Variants in FSHR observed in about 807,000 individuals in gnomAD.
FSHR encodes follicle stimulating hormone receptor.
FSHR carries 46 observed loss-of-function variants against 52.1 expected under a neutral mutation model. That is an observed-to-expected ratio of 0.88 (90% CI 0.70 to 1.13). The LOEUF is 1.13. Ranked by LOEUF, FSHR falls within the 50% of genes most tolerant of loss-of-function variation. The probability of loss-of-function intolerance (pLI) is 0.00; values close to 1 mark genes in which losing one functional copy is unlikely to be tolerated. For missense variants in FSHR, 964 were observed against 834.6 expected (o/e 1.16, Z -1.91); for synonymous variants, 399 against 309.6 (o/e 1.29, Z -3.03).
Position 49,114,349 on chromosome 2 carries a change from C to A in FSHR, c.152+39917G>T, listed in dbSNP as rs1031322720. On this transcript the variant is annotated intron_variant, in intron 1 of 9. Coordinates refer to ENST00000406846, the MANE Select transcript of FSHR (RefSeq NM_000145.4). ...TGCACACATTCATTCTAGACCAAAG[C>A]AATACTCTCCCAATGCATTGCTTTT... is the stretch of plus-strand genomic sequence containing the variant. 8.5e-5 allele frequency among the ~76,000 whole-genome samples: 13 copies of A among 152,152 alleles called. 1 individual carries two copies. Among genetic ancestry groups the A allele is most frequent in the African/African-American group, 3.1e-4 (13 of 41,430 alleles).
Position 49,084,204 on chromosome 2 carries a change from C to T in FSHR, c.153-15914G>A, listed in dbSNP as rs192446909. ...GCATTAAGAATCTCACTCAAAACCG[C>T]TCAACTACATGGAAACTGAACAACC... On this transcript the variant is annotated intron_variant, in intron 1 of 9. Coordinates refer to ENST00000406846, the MANE Select transcript of FSHR (RefSeq NM_000145.4). 3.3e-3 allele frequency among the ~76,000 whole-genome samples: 498 copies of T among 151,094 alleles called. 2 individuals carry two copies. Among genetic ancestry groups the T allele is most frequent in the Non-Finnish European group, 1.7e-3 (113 of 67,826 alleles).
intron 1 of FSHR, among the ~76,000 whole-genome samples, chr2:49,137,771 C>G (rs549202316): frequency 1.3e-5 from 2 of 151,996 alleles, no homozygotes; most frequent in Admixed American, 6.6e-5. Context: ...AAGTTGGATA[C>G]TTATCAAGCA....
At chr2:49,082,721 G>C (rs1439692201) in intron 1 of FSHR, among the ~76,000 whole-genome samples, 2 of 152,124 alleles carry the variant, frequency 1.3e-5, no homozygotes, top group African/African-American at 4.8e-5. Flanking sequence ...GAGCCGATGC[G>C]ATCAACTGGA....
At chr2:48,989,128 T>C in intron 5 of FSHR, 74 bp from the exon 6 acceptor site, 1 of 1,114,534 alleles carries the variant, frequency 9.0e-7, no homozygotes, top group Non-Finnish European at 1.4e-6. Context: ...TTAGTTTAAC[T>C]GGCATGATGC....
chr2:48,993,528 G>A (rs1269547351), intron 4 of FSHR, among the ~76,000 whole-genome samples: 1 of 152,066 alleles, frequency 6.6e-6, no homozygotes, highest in African/African-American at 2.4e-5. Flanking sequence ...CCCTCTGAAT[G>A]TCTGCAATAT....
At chr2:49,068,402 G>T in intron 1 of FSHR, 112 bp from the exon 2 acceptor site, 1 of 892,082 alleles carries the variant, frequency 1.1e-6, no homozygotes, top group Non-Finnish European at 1.8e-6. Context: ...TTGCCATAAA[G>T]TAATGTTGAA....
intron 9 of FSHR, among the ~76,000 whole-genome samples, chr2:48,964,356 G>A (rs983232150): frequency 2.0e-5 from 3 of 151,934 alleles, no homozygotes; most frequent in Non-Finnish European, 2.9e-5. Flanking sequence ...ATTCCTATTC[G>A]TCTACACTCA....
chr2:48,974,857 A>C (rs1408202217), intron 8 of FSHR, among the ~76,000 whole-genome samples: 1 of 152,172 alleles, frequency 6.6e-6, no homozygotes, highest in African/African-American at 2.4e-5. Flanking sequence ...TAAAACATAC[A>C]CACACACTCA....
In FSHR at chr2:49,052,889, G is replaced by A. The variant is rs192972930; in HGVS notation, c.224+15330C>T. 1.0e-3 allele frequency among the ~76,000 whole-genome samples: 155 copies of A among 152,298 alleles called. 1 individual carries two copies. The highest frequency in any genetic ancestry group is 3.7e-3 in the African/African-American group (152 of 41,558). ...TAGCACTGTTGCAGTTACAGTTCTG[G>A]TTACCTGATTTACTTCCTTTCCTTT... is the stretch of plus-strand genomic sequence containing the variant. On this transcript the variant is annotated intron_variant, in intron 2 of 9. Transcript: ENST00000406846.
intron 2 of FSHR, among the ~76,000 whole-genome samples, chr2:49,051,620 C>T (rs183176246): frequency 1.7e-3 from 258 of 151,756 alleles, no homozygotes; most frequent in African/African-American, 5.2e-3. Flanking sequence ...CAGATATTTT[C>T]TCTCATTATG....
chr2:49,148,990 G>T (rs529827660), intron 1 of FSHR, among the ~76,000 whole-genome samples: 82 of 151,892 alleles, frequency 5.4e-4, no homozygotes, highest in Non-Finnish European at 9.1e-4. Flanking sequence ...TGATAAGAAA[G>T]ACATAAATTA....
intron 2 of FSHR, among the ~76,000 whole-genome samples, chr2:49,060,475 T>A (rs771308922): frequency 3.3e-5 from 5 of 152,070 alleles, no homozygotes; most frequent in African/African-American, 7.2e-5. Context: ...CCAGCCAGGG[T>A]GGTCACACAC....
intron 4 of FSHR, among the ~76,000 whole-genome samples, chr2:49,011,201 T>C (rs2104185402): frequency 6.6e-6 from 1 of 151,342 alleles, no homozygotes; most frequent in Non-Finnish European, 1.5e-5. Context: ...CTGCTTTGAA[T>C]GCGTCCCACA....
chr2:48,969,565 G>T (rs1053184536), intron 8 of FSHR, among the ~76,000 whole-genome samples: 11 of 151,004 alleles, frequency 7.3e-5, no homozygotes, highest in African/African-American at 2.4e-4. Context: ...AATCCTATGT[G>T]TACCTCAGAG....
At chr2:48,981,932 T>C (rs770129816) in intron 8 of FSHR, among the ~76,000 whole-genome samples, 12 of 152,238 alleles carry the variant, frequency 7.9e-5, no homozygotes, top group Non-Finnish European at 1.3e-4. Flanking sequence ...ATAAGGATCA[T>C]TCAGTAAAAC....
At chr2:49,116,512 C>T (rs1036194505) in intron 1 of FSHR, among the ~76,000 whole-genome samples, 1 of 152,106 alleles carries the variant, frequency 6.6e-6, no homozygotes, top group African/African-American at 2.4e-5. Flanking sequence ...AATAGGACTT[C>T]CTAATAAAGC....
At chr2:49,033,777 T>G (rs772419578) in intron 2 of FSHR, among the ~76,000 whole-genome samples, 6 of 151,984 alleles carry the variant, frequency 3.9e-5, no homozygotes, top group Non-Finnish European at 8.8e-5. Flanking sequence ...AAAGTCTGTT[T>G]GGAGGGGAGG....
At chr2:49,070,852 C>G (rs555338397) in intron 1 of FSHR, among the ~76,000 whole-genome samples, 3 of 152,054 alleles carry the variant, frequency 2.0e-5, no homozygotes, top group African/African-American at 7.2e-5. Context: ...TAAAACATTA[C>G]AAATATTATT....
chr2:48,990,587 T>G lies in FSHR; in HGVS notation c.425A>C (p.His142Pro). The change falls in exon 5 of 10, where the codon CAT (histidine) becomes CCT (proline). Residue 142 changes from histidine (H) to proline (P), a missense_variant. Coordinates refer to ENST00000406846, the MANE Select transcript of FSHR (RefSeq NM_000145.4). ...TTACAGTAAAACTTTTTGGAGAGAA[T>G]GAATCTTGTGAACATCTGGAAGGTG... ...IKHLPDVHKI[H>P]SLQKVLLDIQ... is the part of the protein sequence containing the mutation. 1 of 1,611,562 alleles carries G rather than the reference T, an allele frequency of 6.2e-7. No homozygotes were observed. The highest frequency in any genetic ancestry group is 8.5e-7 in the Non-Finnish European group (1 of 1,177,762).
Sources: gnomAD v4.1 joint callset for allele counts (sites outside exome capture counted in the v4.1 genomes callset) on GRCh38, gnomAD v4.1.1 for gene constraint, MANE v1.5 for transcripts, NCBI Gene and HGNC (gene_info 2026-07-23, HGNC 2026-07-21) for gene names.